Variants in CBX8 observed in about 807,000 individuals in gnomAD.
The protein encoded by CBX8 is chromobox 8.
A neutral mutation model predicts 39.7 loss-of-function variants in CBX8; 8 were observed. That is an observed-to-expected ratio of 0.20 (90% CI 0.12 to 0.36). The LOEUF is 0.36. Ranked by LOEUF, CBX8 falls within the 10% of genes least tolerant of loss-of-function variation. The pLI, the probability that CBX8 is intolerant of heterozygous loss-of-function variation, is 1.00. For missense variants in CBX8, 505 were observed against 529.6 expected, an observed-to-expected ratio of 0.95 and a Z score of 0.46; for synonymous variants, 268 against 219.8, an observed-to-expected ratio of 1.22 and a Z score of -1.94.
In CBX8 at chr17:79,797,055, C is replaced by T; in HGVS notation, c.-57G>A. 1 of 1,538,418 alleles carries T rather than the reference C, an allele frequency of 6.5e-7. No individual in the cohort carries two copies. The highest frequency in any genetic ancestry group is 8.9e-7 in the Non-Finnish European group (1 of 1,129,676). ...CCAGGAGCAGAAAAGCAGCAGCCAG[C>T]GCACGACAGACCATAATACTCTCCC... On this transcript the variant is annotated 5_prime_UTR_variant, in exon 1 of 5. Transcript: ENST00000269385.
Position 79,794,363 on chromosome 17 carries a change from T to G in CBX8, c.*272A>C. On this transcript the variant is annotated 3_prime_UTR_variant, in exon 5 of 5. Coordinates refer to ENST00000269385, the MANE Select transcript of CBX8 (RefSeq NM_020649.3). ...AAAGCACAATGAGAGTCTCTCTCCTTTAAATAAAACAACTTCGAGTTGAAA... is the reference window on the plus strand; with the variant it reads ...AAAGCACAATGAGAGTCTCTCTCCTGTAAATAAAACAACTTCGAGTTGAAA... 5.4e-6 allele frequency: 1 copy of G among 184,102 alleles called. No individual in the cohort carries two copies. Among genetic ancestry groups the G allele is most frequent in the African/African-American group, 2.3e-5 (1 of 42,602 alleles). The allele number at this position is 184,102 out of a possible 1,614,324, so 11.4% of individuals were successfully genotyped here.
In CBX8 at chr17:79,795,645, T is replaced by C. The variant is rs1390783768; in HGVS notation, c.247-87A>G. 1 of 722,748 alleles carries C rather than the reference T, an allele frequency of 1.4e-6. No individual in the cohort carries two copies. Among genetic ancestry groups the C allele is most frequent in the Non-Finnish European group, 1.9e-6 (1 of 540,026 alleles). The allele number at this position is 722,748 out of a possible 1,614,324, so 44.8% of individuals were successfully genotyped here. On this transcript the variant is annotated intron_variant, in intron 4 of 4. Transcript: ENST00000269385. The surrounding 1 kb of genome is among the most constrained non-coding windows in gnomAD (Gnocchi z 5.8). ...TCCTCTATCCCTGACCTCCTATCTT[T>C]ACCCTATGATGCCTGGGAATTTCTA...
At chr17:79,796,575 G>A (rs767858644) in intron 1 of CBX8, 35 bp from the exon 2 acceptor site, 2 of 1,612,064 alleles carry the variant, frequency 1.2e-6, no homozygotes, top group Non-Finnish European at 1.7e-6. Flanking sequence ...GTGTGCATGG[G>A]GAGAAACGCA....
rs772859757 is a variant in CBX8 at position 79,795,186 on chromosome 17, G to A, written c.619C>T (p.Leu207Phe). 3 of 1,613,360 alleles carry A rather than the reference G, an allele frequency of 1.9e-6. No homozygotes were observed. Among genetic ancestry groups the A allele is most frequent in the African/African-American group, 2.7e-5 (2 of 74,956 alleles). ...AAGGGCCTCTGTGAGGGGTCCGGGA[G>A]CTCCTTCCGGGGCTTGGGGCCTCGC... ...KKRGPKPRKE[L>F]PDPSQRPLGE... is the part of the protein sequence containing the mutation. Residue 207 changes from leucine (L) to phenylalanine (F), a missense_variant, in exon 5 of 5, where the codon CTC becomes TTC. Physicochemically the swap from Leu to Phe is conservative, Grantham distance 22 (BLOSUM62 0). This residue lies in a region of CBX8 where 456 missense variants were observed against 389.2 expected (regional missense o/e 1.17). Coordinates refer to ENST00000269385, the MANE Select transcript of CBX8 (RefSeq NM_020649.3). The surrounding 1 kb of genome is among the most constrained non-coding windows in gnomAD (Gnocchi z 5.8).
In CBX8 at chr17:79,794,448, C is replaced by T. The variant is rs963385040; in HGVS notation, c.*187G>A. On this transcript the variant is annotated 3_prime_UTR_variant, in exon 5 of 5. Transcript: ENST00000269385. ...TTTACATCTAATAGAAAATATAACT[C>T]TAGAGATAATCTTTCCAACAAAAAC... is the stretch of plus-strand genomic sequence containing the variant. 3 of 466,942 alleles carry T rather than the reference C, an allele frequency of 6.4e-6. No homozygotes were observed. The highest frequency in any genetic ancestry group is 1.1e-5 in the Non-Finnish European group (3 of 261,816). 28.9% of individuals were successfully genotyped at this position (466,942 alleles called of 1,614,324 possible). A position where few individuals can be genotyped will look rare whatever the true frequency, so the allele number is the denominator to read the frequency against.
rs772341427 is a variant in CBX8 at position 79,795,479 on chromosome 17, C to T, written c.326G>A (p.Arg109His). ...ARGIRIPYPG[R>H]SPQDLASTSR... ...AGTGGAGGCCAGGTCCTGGGGCGAG[C>T]GGCCAGGGTAGGGGATCCGGATGCC... The change falls in exon 5 of 5, where the codon CGC (arginine) becomes CAC (histidine). Residue 109 changes from arginine (R) to histidine (H), a missense_variant. This residue lies in a region of CBX8 where 456 missense variants were observed against 389.2 expected (regional missense o/e 1.17). Coordinates refer to ENST00000269385, the MANE Select transcript of CBX8 (RefSeq NM_020649.3). This position sits in a 1 kb window ranked among gnomAD's most constrained non-coding sequence, Gnocchi z 5.8. The T allele has an allele frequency of 1.9e-6, 3 of 1,591,062 alleles. No individual in the cohort carries two copies. Among genetic ancestry groups the T allele is most frequent in the Non-Finnish European group, 2.6e-6 (3 of 1,168,802 alleles).
chr17:79,796,683 C>G, intron 1 of CBX8, 143 bp from the exon 2 acceptor site: 2 of 920,898 alleles, frequency 2.2e-6, no homozygotes, highest in Non-Finnish European at 3.5e-6. Flanking sequence ...CACCCCTGCA[C>G]CTAATGCTGC....
rs753760461 is a variant in CBX8, at chr17:79,794,588, C to T, written c.*47G>A. On this transcript the variant is annotated 3_prime_UTR_variant, in exon 5 of 5. Transcript: ENST00000269385. Reference sequence around the variant, plus strand: ...AATAAAAATCACTATGCCAAGCTCACGCTCACTCTCTCCCCTGCTCTCCTC... The same window carrying T: ...AATAAAAATCACTATGCCAAGCTCATGCTCACTCTCTCCCCTGCTCTCCTC... 152 of 1,404,368 alleles carry T rather than the reference C, an allele frequency of 1.1e-4. No individual in the cohort carries two copies. The East Asian group carries it at 2.3e-3, about 22-fold the overall frequency. The allele number at this position is 1,404,368 out of a possible 1,614,324, so 87.0% of individuals were successfully genotyped here.
In CBX8 at chr17:79,797,007, G is replaced by C. The variant is rs1568508642; in HGVS notation, c.-9C>G. On this transcript the variant is annotated 5_prime_UTR_variant, in exon 1 of 5. Transcript: ENST00000269385. ...ACCGCTGAAAGCTCCATGTTGACTC[G>C]CCGCTTCCCCCCTTGGCCGCTTCCA... 6.2e-7 allele frequency: 1 copy of C among 1,607,326 alleles called. No homozygotes were observed. The highest frequency in any genetic ancestry group is 8.5e-7 in the Non-Finnish European group (1 of 1,177,590).
chr17:79,795,339 TATCC>T lies in CBX8; in HGVS notation c.462_465del (p.Asp155GlyfsTer60). On this transcript the variant is annotated frameshift_variant, in exon 5 of 5. Coordinates refer to ENST00000269385, the MANE Select transcript of CBX8 (RefSeq NM_020649.3). LOFTEE classifies it high-confidence loss of function. This position sits in a 1 kb window ranked among gnomAD's most constrained non-coding sequence, Gnocchi z 5.8. ...CTTTCTCGATCCCGCTCCCGGTCCC[TATCC>T]CGGTCTCGGTCCCGGTCCCGAGGGG... The T allele has an allele frequency of 6.3e-7, 1 of 1,585,006 alleles. No homozygotes were observed. The highest frequency in any genetic ancestry group is 8.6e-7 in the Non-Finnish European group (1 of 1,164,378).
At position 79,793,990 on chromosome 17, in the gene CBX8, C is replaced by T. The variant is rs1907970217; in HGVS notation, c.*645G>A. On this transcript the variant is annotated 3_prime_UTR_variant, in exon 5 of 5. Transcript: ENST00000269385. ...GGGGACGTTTTAACCTTCAACATCA[C>T]ACACGAAAAGCTTATTCAAGTTAAT... The T allele has an allele frequency of 6.6e-6, 1 of 151,834 alleles. No individual in the cohort carries two copies. The highest frequency in any genetic ancestry group is 1.5e-5 in the Non-Finnish European group (1 of 67,998). 9.4% of individuals were successfully genotyped at this position (151,834 alleles called of 1,614,324 possible). A position where few individuals can be genotyped will look rare whatever the true frequency, so the allele number is the denominator to read the frequency against.
rs149699890 is a variant in CBX8 at position 79,795,394 on chromosome 17, G to A, written c.411C>T (p.Ser137=). The A allele has an allele frequency of 1.2e-5, 20 of 1,601,750 alleles. No individual in the cohort carries two copies. The African/African-American group carries it at 2.7e-4, about 21-fold the overall frequency. ...CCTCTGCGCGGCAGGTGCTGCTGGT[G>A]CTGGTGCTGCTCGCTGGCGGGGACA... ...MGLSPPASST[S]TSSTCRAEAP... Residue 137 remains serine (S), a synonymous_variant, in exon 5 of 5, where the codon AGC becomes AGT. Transcript: ENST00000269385. This position sits in a 1 kb window ranked among gnomAD's most constrained non-coding sequence, Gnocchi z 5.8.
At chr17:79,796,458 T>C (rs768044542) in intron 2 of CBX8, 39 bp downstream of exon 2, 56 of 1,613,270 alleles carry the variant, frequency 3.5e-5, no homozygotes, top group Admixed American at 3.3e-4. Flanking sequence ...ACCTCCCGAA[T>C]AACAGTCTGG....
At position 79,795,270 on chromosome 17, in the gene CBX8, C is replaced by G. The variant is rs1908032464; in HGVS notation, c.535G>C (p.Glu179Gln). ...ERERERERER[E>Q]RGTSRVDDKP... ...TCATCCACTCTGCTGGTACCCCGCT[C>G]TCGTTCCCTCTCACGTTCCCGCTCC... The change falls in exon 5 of 5, where the codon GAG (glutamate) becomes CAG (glutamine). Residue 179 changes from glutamate to glutamine, a missense_variant. By Grantham distance (29) the Glu-to-Gln change is conservative. Around this residue, in one of 3 missense-constraint regions of CBX8, gnomAD observed 456 missense variants for 389.2 expected, o/e 1.17. Coordinates refer to ENST00000269385, the MANE Select transcript of CBX8 (RefSeq NM_020649.3). This position sits in a 1 kb window ranked among gnomAD's most constrained non-coding sequence, Gnocchi z 5.8. 3 of 1,607,890 alleles carry G rather than the reference C, an allele frequency of 1.9e-6. No homozygotes were observed. The highest frequency in any genetic ancestry group is 8.5e-7 in the Non-Finnish European group (1 of 1,177,440).
rs760866593 is a variant in CBX8, at chr17:79,794,812, G to A, written c.993C>T (p.Pro331=). ...YRDMGAQGGR[P]SLIARIPVAR... is the part of the protein sequence containing the mutation. ...CCACAGGGATCCTGGCGATGAGGGAGGGCCTTCCCCCCTGGGCCCCCATGT... is the reference window on the plus strand; with the variant it reads ...CCACAGGGATCCTGGCGATGAGGGAAGGCCTTCCCCCCTGGGCCCCCATGT... The change falls in exon 5 of 5, where the codon CCC becomes CCT. Residue 331 remains proline, a synonymous_variant. Transcript: ENST00000269385. 1.9e-6 allele frequency: 3 copies of A among 1,612,118 alleles called. No homozygotes were observed. In the East Asian group the frequency reaches 6.7e-5, roughly 36 times the overall value.
intron 1 of CBX8, 69 bp downstream of exon 1, chr17:79,796,861 G>GGGGGTGGGAACCCGGGCCGGGA: frequency 7.0e-7 from 1 of 1,433,444 alleles, no homozygotes; most frequent in Non-Finnish European, 9.5e-7. Context: ...GGCTGCAGCA[G>GGGGGTGGGAACCCGGGCCGGGA]GGGGAGGGAA....
chr17:79,795,627 T>G lies in CBX8; in HGVS notation c.247-69A>C, dbSNP rs1363653943. 1 of 1,025,006 alleles carries G rather than the reference T, an allele frequency of 9.8e-7. No homozygotes were observed. Among genetic ancestry groups the G allele is most frequent in the Non-Finnish European group, 1.3e-6 (1 of 789,722 alleles). 63.5% of individuals were successfully genotyped at this position (1,025,006 alleles called of 1,614,324 possible). ...CCACCCCCACAGGACTCCTCCTCTA[T>G]CCCTGACCTCCTATCTTTACCCTAT... is the stretch of plus-strand genomic sequence containing the variant. On this transcript the variant is annotated intron_variant, in intron 4 of 4. Coordinates refer to ENST00000269385, the MANE Select transcript of CBX8 (RefSeq NM_020649.3). The surrounding 1 kb of genome is among the most constrained non-coding windows in gnomAD (Gnocchi z 5.8).
At position 79,792,788 on chromosome 17, in the gene CBX8, CCTT is replaced by C. The variant is rs1193328475; in HGVS notation, c.*1844_*1846del. 1 of 152,246 alleles carries C rather than the reference CCTT, an allele frequency of 6.6e-6. No individual in the cohort carries two copies. The highest frequency in any genetic ancestry group is 2.4e-5 in the African/African-American group (1 of 41,452). The allele number at this position is 152,246 out of a possible 1,614,324, so 9.4% of individuals were successfully genotyped here. A position where few individuals can be genotyped will look rare whatever the true frequency, so the allele number is the denominator to read the frequency against. On this transcript the variant is annotated 3_prime_UTR_variant, in exon 5 of 5. Transcript: ENST00000269385. ...CAATCATGTAGTACACCGTTTCCCT[CCTT>C]TTCTCTCTTTAAAGGCAAGAAAGTC...
intron 1 of CBX8, 134 bp from the exon 2 acceptor site, chr17:79,796,674 AC>A (rs1348806614): frequency 1.0e-6 from 1 of 969,960 alleles, no homozygotes; most frequent in Non-Finnish European, 1.6e-6. Flanking sequence ...CCGCTGCATC[AC>A]CCCTGCACCT....
Sources: gnomAD v4.1 joint callset for allele counts on GRCh38, gnomAD v4.1.1 for gene constraint, gnomAD v4.1.1 regional missense constraint, Gnocchi (gnomAD v3.1) non-coding constraint, MANE v1.5 for transcripts, NCBI Gene and HGNC (gene_info 2026-07-23, HGNC 2026-07-21) for gene names.